RCC2: variants seen among roughly 807,000 people sequenced by gnomAD.
The protein encoded by RCC2 is protein RCC2.
RCC2 carries 19 observed loss-of-function variants against 64.1 expected under a neutral mutation model. The observed-to-expected ratio is 0.30, with a 90% CI of 0.21 to 0.44. RCC2 has a LOEUF of 0.44. Among genes scored for constraint, RCC2 ranks in the 20% least tolerant of loss-of-function variants. RCC2 has a pLI of 1.00. For synonymous variants in RCC2, 325 were observed against 279.6 expected, an observed-to-expected ratio of 1.16 and a Z score of -1.62; for missense variants, 508 against 710.4, an observed-to-expected ratio of 0.72 and a Z score of 3.24.
At chr1:17,409,832 A>C (rs2075405688) in intron 12 of RCC2, 142 bp downstream of exon 12, 2 of 741,142 alleles carry the variant, frequency 2.7e-6, no homozygotes, top group Non-Finnish European at 4.7e-6. Flanking sequence ...CTCTCAAACA[A>C]ATCTTAGCGT....
intron 2 of RCC2, 24 bp downstream of exon 2, chr1:17,438,206 C>A: frequency 8.2e-7 from 1 of 1,212,194 alleles, no homozygotes; most frequent in Non-Finnish European, 1.0e-6. Context: ...CTGCGCCCAC[C>A]CGTCTACCCT....
intron 3 of RCC2, among the ~76,000 whole-genome samples, chr1:17,426,349 GTGACAGCCACTTCATGACTCCCC>G (rs986549667): frequency 3.2e-4 from 48 of 152,100 alleles, no homozygotes; most frequent in Admixed American, 1.0e-3. Flanking sequence ...CCCGTCCAGT[GTGACAGCCACTTCATGACTCCCC>G]TGACACCCAC....
chr1:17,413,789 G>A, intron 8 of RCC2, 72 bp from the exon 9 acceptor site: 3 of 1,373,802 alleles, frequency 2.2e-6, no homozygotes, highest in Non-Finnish European at 3.0e-6. Flanking sequence ...CATCGTTTCT[G>A]TGCAGACAAC....
intron 3 of RCC2, 148 bp from the exon 4 acceptor site, chr1:17,425,832 A>T (rs1440105218): frequency 7.7e-6 from 6 of 775,068 alleles, no homozygotes; most frequent in Non-Finnish European, 1.0e-5. Flanking sequence ...GGGAGGCTGC[A>T]CAAGGATCGG....
chr1:17,438,325 C>T lies in RCC2; in HGVS notation c.190G>A (p.Gly64Ser). ...EDGLELDGAP[G>S]GGKRAARPAT... is the part of the protein sequence containing the mutation. The stretch of plus-strand genomic sequence containing the variant: ...GGCCGCGCCGCGCGCTTGCCCCCGC[C>T]GGGGGCCCCGTCGAGCTCCAGGCCG... The change falls in exon 2 of 13, where the codon GGC (glycine) becomes AGC (serine). Residue 64 changes from glycine (G) to serine (S), a missense_variant. By Grantham distance (56) the Gly-to-Ser change is moderately conservative (BLOSUM62 0). This residue lies in a region of RCC2 where 195 missense variants were observed against 158.3 expected (regional missense o/e 1.23). Transcript: ENST00000375436. 2.4e-6 allele frequency: 3 copies of T among 1,242,780 alleles called. No homozygotes were observed. Among genetic ancestry groups the T allele is most frequent in the Non-Finnish European group, 3.0e-6 (3 of 988,822 alleles). 77.0% of individuals were successfully genotyped at this position (1,242,780 alleles called of 1,614,324 possible). A position where few individuals can be genotyped will look rare whatever the true frequency, so the allele number is the denominator to read the frequency against.
intron 6 of RCC2, among the ~76,000 whole-genome samples, chr1:17,421,493 C>T (rs1031926993): frequency 6.7e-6 from 1 of 150,160 alleles, no homozygotes; most frequent in East Asian, 2.0e-4. Context: ...GACTCTGTCT[C>T]CCCTCCAAAA....
chr1:17,430,559 G>A (rs970350478), intron 2 of RCC2, among the ~76,000 whole-genome samples: 5 of 151,732 alleles, frequency 3.3e-5, no homozygotes, highest in Non-Finnish European at 4.4e-5. Flanking sequence ...AGGCTGAGGC[G>A]GGTGAATCAC....
chr1:17,426,887 C>T (rs553765918), intron 3 of RCC2, among the ~76,000 whole-genome samples: 46 of 151,468 alleles, frequency 3.0e-4, no homozygotes, highest in Non-Finnish European at 6.2e-4. Context: ...CTCAGCCTCA[C>T]GAGTAACTGG....
intron 7 of RCC2, among the ~76,000 whole-genome samples, chr1:17,418,554 G>A (rs2075516223): frequency 6.6e-6 from 1 of 152,140 alleles, no homozygotes; most frequent in Non-Finnish European, 1.5e-5. Flanking sequence ...CTACTCAGGA[G>A]GCTGAGGCAG....
intron 2 of RCC2, among the ~76,000 whole-genome samples, chr1:17,437,991 A>C (rs2100403413): frequency 2.1e-5 from 3 of 141,408 alleles, no homozygotes; most frequent in South Asian, 4.7e-4. Flanking sequence ...CGCGCGCCCC[A>C]ACCGCCAACC....
chr1:17,425,430 A>C, intron 4 of RCC2, 111 bp downstream of exon 4: 3 of 1,112,706 alleles, frequency 2.7e-6, no homozygotes, highest in Non-Finnish European at 3.8e-6. Flanking sequence ...TGAACGAAGG[A>C]GCCCAGCCTT....
chr1:17,438,353 CTCG>C lies in RCC2; in HGVS notation c.159_161del (p.Asp53del). The C allele has an allele frequency of 1.6e-6, 2 of 1,239,074 alleles. No individual in the cohort carries two copies. Among genetic ancestry groups the C allele is most frequent in the Non-Finnish European group, 2.0e-6 (2 of 992,474 alleles). 76.8% of individuals were successfully genotyped at this position (1,239,074 alleles called of 1,614,324 possible). A position where few individuals can be genotyped will look rare whatever the true frequency, so the allele number is the denominator to read the frequency against. Reference sequence around the variant, plus strand: ...GGGCCCCGTCGAGCTCCAGGCCGTCCTCGTCGCCGCTGCTGCCGCCGCCGCTGC... The same window carrying C: ...GGGCCCCGTCGAGCTCCAGGCCGTCCTCGCCGCTGCTGCCGCCGCCGCTGC... On this transcript the variant is annotated inframe_deletion, in exon 2 of 13. Coordinates refer to ENST00000375436, the MANE Select transcript of RCC2 (RefSeq NM_018715.4).
At chr1:17,422,119 C>A in intron 6 of RCC2, 84 bp downstream of exon 6, 1 of 973,840 alleles carries the variant, frequency 1.0e-6, no homozygotes, top group South Asian at 1.6e-5. Flanking sequence ...TAAATTAACT[C>A]AAACGGAGAC....
intron 11 of RCC2, among the ~76,000 whole-genome samples, chr1:17,410,483 A>C (rs2075412423): frequency 6.6e-6 from 1 of 152,190 alleles, no homozygotes; most frequent in Non-Finnish European, 1.5e-5. Context: ...ATCCAAAACA[A>C]AACAAAATAA....
At chr1:17,423,846 C>G (rs2075583803) in intron 4 of RCC2, among the ~76,000 whole-genome samples, 1 of 152,222 alleles carries the variant, frequency 6.6e-6, no homozygotes, top group Non-Finnish European at 1.5e-5. Context: ...TAAAGGCAGA[C>G]AGCAGAGCCA....
intron 2 of RCC2, among the ~76,000 whole-genome samples, chr1:17,429,403 C>A (rs2075650912): frequency 6.6e-6 from 1 of 152,178 alleles, no homozygotes; most frequent in African/African-American, 2.4e-5. Flanking sequence ...CTGCCCACAG[C>A]CGCTCACTTG....
Position 17,407,454 on chromosome 1 carries a change from G to A in RCC2, c.*1636C>T, listed in dbSNP as rs1030620626. 7.9e-5 allele frequency: 12 copies of A among 152,262 alleles called. No individual in the cohort carries two copies. Among genetic ancestry groups the A allele is most frequent in the Non-Finnish European group, 1.8e-4 (12 of 68,044 alleles). 9.4% of individuals were successfully genotyped at this position (152,262 alleles called of 1,614,324 possible). A position where few individuals can be genotyped will look rare whatever the true frequency, so the allele number is the denominator to read the frequency against. ...AGTTTAGCAAAGCTCTGAAGTAGCAGAAGCTTCTCCCCTGGACTACTGATT... is the reference window on the plus strand; with the variant it reads ...AGTTTAGCAAAGCTCTGAAGTAGCAAAAGCTTCTCCCCTGGACTACTGATT... On this transcript the variant is annotated 3_prime_UTR_variant, in exon 13 of 13. Transcript: ENST00000375436.
intron 2 of RCC2, among the ~76,000 whole-genome samples, chr1:17,434,894 C>G (rs1390511402): frequency 6.6e-6 from 1 of 152,234 alleles, no homozygotes; most frequent in East Asian, 1.9e-4. Context: ...ATCACGAGGT[C>G]AGGAGTTCAA....
At position 17,406,860 on chromosome 1, in the gene RCC2, G is replaced by A. The variant is rs2075365962; in HGVS notation, c.*2230C>T. On this transcript the variant is annotated 3_prime_UTR_variant, in exon 13 of 13. Coordinates refer to ENST00000375436, the MANE Select transcript of RCC2 (RefSeq NM_018715.4). Reference sequence around the variant, plus strand: ...TTACAGCACTAAACCAGGCACCTTCGACCAAATCACAACCTCCTCTTTGAT... The same window carrying A: ...TTACAGCACTAAACCAGGCACCTTCAACCAAATCACAACCTCCTCTTTGAT... The A allele has an allele frequency of 6.6e-6, 1 of 152,122 alleles. No homozygotes were observed. Among genetic ancestry groups the A allele is most frequent in the South Asian group, 2.1e-4 (1 of 4,820 alleles). 9.4% of individuals were successfully genotyped at this position (152,122 alleles called of 1,614,324 possible).
Sources: allele counts gnomAD v4.1 joint callset (sites outside exome capture counted in the v4.1 genomes callset), GRCh38; gene constraint gnomAD v4.1.1; regional missense constraint gnomAD v4.1.1; transcripts MANE v1.5; gene names NCBI Gene and HGNC (gene_info 2026-07-23, HGNC 2026-07-21).